Variants in GRIK5 observed in about 807,000 individuals in gnomAD.
GRIK5 encodes glutamate ionotropic receptor kainate type subunit 5.
In GRIK5, 43 loss-of-function variants were observed where a neutral mutation model predicts 97.4. The ratio of observed to expected loss-of-function variants is 0.44; its 90% CI spans 0.35 to 0.57. The LOEUF (loss-of-function observed/expected upper bound fraction) is 0.57, where lower values mean the gene tolerates loss of function less well. GRIK5 is among the 20% of genes least tolerant of loss of function. The probability of loss-of-function intolerance (pLI) is 0.01; values close to 1 mark genes in which losing one functional copy is unlikely to be tolerated. For missense variants in GRIK5, 1,015 were observed against 1,382.0 expected (o/e 0.73, Z 4.21); for synonymous variants, 580 against 583.5 (o/e 0.99, Z 0.09).
At chr19:42,064,654 G>A (rs1240527899) in intron 3 of GRIK5, among the ~76,000 whole-genome samples, 1 of 152,138 alleles carries the variant, frequency 6.6e-6, no homozygotes, top group African/African-American at 2.4e-5. Context: ...CTCTGATAAG[G>A]CCTGCAGGAA....
At chr19:42,009,751 G>A (rs1225470657) in intron 15 of GRIK5, among the ~76,000 whole-genome samples, 9 of 127,208 alleles carry the variant, frequency 7.1e-5, no homozygotes, top group Non-Finnish European at 9.8e-5. Context: ...CTGGGCAACA[G>A]AGTAAGACTT....
At chr19:42,054,282 G>A (rs752048566) in intron 9 of GRIK5, 38 bp downstream of exon 9, 22 of 1,583,150 alleles carry the variant, frequency 1.4e-5, no homozygotes, top group Middle Eastern at 1.7e-4. Context: ...TGAGGTGGCC[G>A]TGTCCTGCCT....
rs1242636402 is a variant in GRIK5, at chr19:41,999,114, G to A, written c.2700C>T (p.Gly900=). Residue 900 remains glycine, a synonymous_variant, in exon 20 of 20, where the codon GGC becomes GGT. Coordinates refer to ENST00000593562, the MANE Select transcript of GRIK5 (RefSeq NM_002088.5). This position sits in a 1 kb window ranked among gnomAD's most constrained non-coding sequence, Gnocchi z 5.0. ...GGCGCTGCGGGCCCCCGTGCGCGCTGCCCGCATCCCCGCCCGCGCCGGCCG... is the reference window on the plus strand; with the variant it reads ...GGCGCTGCGGGCCCCCGTGCGCGCTACCCGCATCCCCGCCCGCGCCGGCCG... ...LYSAGAGGDA[G]SAHGGPQRLL... 7.1e-6 allele frequency: 10 copies of A among 1,401,704 alleles called. No individual in the cohort carries two copies. Among genetic ancestry groups the A allele is most frequent in the Non-Finnish European group, 8.3e-6 (9 of 1,084,058 alleles). 86.8% of individuals were successfully genotyped at this position (1,401,704 alleles called of 1,614,324 possible).
In GRIK5 at chr19:41,999,041, T is replaced by C; in HGVS notation, c.2773A>G (p.Thr925Ala). ...CAGACGCGCACGTGGGTGCAGGGGG[T>C]GGGGGCGGCGGGTCGGGCTCCGCTG... ...PPSGARPAAPTPCTHVRVCQE... is the reference protein window; with the variant it reads ...PPSGARPAAPAPCTHVRVCQE... The change falls in exon 20 of 20, where the codon ACC becomes GCC. Residue 925 changes from threonine (T) to alanine (A), a missense_variant. Thr to Ala is a moderately conservative substitution (Grantham distance 58). Coordinates refer to ENST00000593562, the MANE Select transcript of GRIK5 (RefSeq NM_002088.5). This position sits in a 1 kb window ranked among gnomAD's most constrained non-coding sequence, Gnocchi z 5.0. 7 of 629,502 alleles carry C rather than the reference T, an allele frequency of 1.1e-5. No homozygotes were observed. The highest frequency in any genetic ancestry group is 1.4e-5 in the Non-Finnish European group (7 of 496,040). The allele number at this position is 629,502 out of a possible 1,614,324, so 39.0% of individuals were successfully genotyped here. A position where few individuals can be genotyped will look rare whatever the true frequency, so the allele number is the denominator to read the frequency against.
rs1051398573 is a variant in GRIK5 at position 42,021,334 on chromosome 19, C to T, written c.1838G>A (p.Arg613Gln). ...FMQQGSEIMPRALSTRCVSGV... is the reference protein window; with the variant it reads ...FMQQGSEIMPQALSTRCVSGV... ...GCTGACACAGCGCGTGGACAGCGCC[C>T]GGGGCATGATCTCCGAGCCCTGCTG... is the stretch of plus-strand genomic sequence containing the variant. Residue 613 changes from arginine (R) to glutamine (Q), a missense_variant, in exon 15 of 20, where the codon CGG becomes CAG. Physicochemically the swap from Arg to Gln is conservative, Grantham distance 43. Coordinates refer to ENST00000593562, the MANE Select transcript of GRIK5 (RefSeq NM_002088.5). This position sits in a 1 kb window ranked among gnomAD's most constrained non-coding sequence, Gnocchi z 4.2. 6.8e-6 allele frequency: 11 copies of T among 1,613,402 alleles called. No homozygotes were observed. The highest frequency in any genetic ancestry group is 1.1e-5 in the South Asian group (1 of 91,018).
intron 5 of GRIK5, among the ~76,000 whole-genome samples, 155 bp from the exon 6 acceptor site, chr19:42,059,682 G>C (rs1482661441): frequency 6.6e-6 from 1 of 152,042 alleles, no homozygotes; most frequent in Non-Finnish European, 1.5e-5. Flanking sequence ...TGGGCTTGGG[G>C]ACCCAAAGCC....
intron 15 of GRIK5, among the ~76,000 whole-genome samples, chr19:42,017,771 C>A (rs2075642538): frequency 6.6e-6 from 1 of 152,134 alleles, no homozygotes; most frequent in Non-Finnish European, 1.5e-5. Flanking sequence ...GGAAGGCAGG[C>A]AAAGCCAAGC....
At chr19:42,047,933 A>G (rs944720399) in intron 11 of GRIK5, among the ~76,000 whole-genome samples, 1 of 149,172 alleles carries the variant, frequency 6.7e-6, no homozygotes, top group Non-Finnish European at 1.5e-5. Flanking sequence ...ATCGCATGCT[A>G]CTACATTCCA....
intron 3 of GRIK5, chr19:42,063,190 T>C (rs1178792750): frequency 2.1e-5 from 10 of 477,902 alleles, no homozygotes; most frequent in Non-Finnish European, 3.3e-5. Flanking sequence ...TCTCAACCTT[T>C]TCAGCCATGC....
At chr19:42,014,255 G>A (rs970099801) in intron 15 of GRIK5, among the ~76,000 whole-genome samples, 13 of 152,028 alleles carry the variant, frequency 8.6e-5, no homozygotes, top group East Asian at 1.9e-4. Context: ...TTAGCCAGGC[G>A]TGCTGGCGTG....
At chr19:42,023,878 G>A (rs1170112928) in intron 12 of GRIK5, among the ~76,000 whole-genome samples, 2 of 152,270 alleles carry the variant, frequency 1.3e-5, no homozygotes, top group Non-Finnish European at 2.9e-5. Flanking sequence ...TAAGCCAAGA[G>A]GACAGTCTCC....
At chr19:42,001,991 G>A (rs1290560664) in intron 19 of GRIK5, 1 of 613,660 alleles carries the variant, frequency 1.6e-6, no homozygotes, top group African/African-American at 1.8e-5. Flanking sequence ...CCCAACGAGG[G>A]AGCCTGGGAA....
At chr19:42,045,734 G>A (rs1429817604) in intron 11 of GRIK5, among the ~76,000 whole-genome samples, 1 of 152,148 alleles carries the variant, frequency 6.6e-6, no homozygotes, top group Non-Finnish European at 1.5e-5. Flanking sequence ...ACTAATAATA[G>A]CGGCAGCAGC....
chr19:42,008,712 T>G (rs1024178410), intron 15 of GRIK5, among the ~76,000 whole-genome samples: 1 of 151,978 alleles, frequency 6.6e-6, no homozygotes, highest in Non-Finnish European at 1.5e-5. Flanking sequence ...AGACCCAGAA[T>G]TGACATAGAT....
At position 42,006,548 on chromosome 19, in the gene GRIK5, G is replaced by A; in HGVS notation, c.2037+97C>T. On this transcript the variant is annotated intron_variant, in intron 16 of 19. Coordinates refer to ENST00000593562, the MANE Select transcript of GRIK5 (RefSeq NM_002088.5). This position sits in a 1 kb window ranked among gnomAD's most constrained non-coding sequence, Gnocchi z 5.3. ...GCCTCCAGGCTGTCACTGACAATCA[G>A]TCCCTCTGACCCAGGAGACCCTGCC... The A allele has an allele frequency of 2.9e-6, 3 of 1,037,594 alleles. No individual in the cohort carries two copies. In the East Asian group the frequency reaches 7.5e-5, roughly 26 times the overall value. 64.3% of individuals were successfully genotyped at this position (1,037,594 alleles called of 1,614,324 possible).
chr19:42,017,891 T>C (rs1464517778), intron 15 of GRIK5, among the ~76,000 whole-genome samples: 1 of 152,050 alleles, frequency 6.6e-6, no homozygotes, highest in Non-Finnish European at 1.5e-5. Flanking sequence ...AGGAGCCACC[T>C]GGAGATGGAC....
chr19:42,021,053 G>A lies in GRIK5; in HGVS notation c.1871+248C>T, dbSNP rs2075689397. On this transcript the variant is annotated intron_variant, in intron 15 of 19. Coordinates refer to ENST00000593562, the MANE Select transcript of GRIK5 (RefSeq NM_002088.5). This position sits in a 1 kb window ranked among gnomAD's most constrained non-coding sequence, Gnocchi z 4.2. ...TGAATCCTCACAACCCTGAGACATGGGCATCTTTCTCCCCATCTTTCAGGG... is the reference window on the plus strand; with the variant it reads ...TGAATCCTCACAACCCTGAGACATGAGCATCTTTCTCCCCATCTTTCAGGG... Among the ~76,000 whole-genome samples the A allele has an allele frequency of 6.6e-6, 1 of 152,100 alleles. No homozygotes were observed. The highest frequency in any genetic ancestry group is 1.5e-5 in the Non-Finnish European group (1 of 68,020).
At chr19:42,055,993 T>TC (rs2076179025) in intron 8 of GRIK5, among the ~76,000 whole-genome samples, 2 of 151,546 alleles carry the variant, frequency 1.3e-5, no homozygotes, top group African/African-American at 4.9e-5. Context: ...AATTTACTTT[T>TC]TTTTTTTTTT....
At chr19:42,032,540 G>A (rs2075852147) in intron 12 of GRIK5, among the ~76,000 whole-genome samples, 1 of 152,176 alleles carries the variant, frequency 6.6e-6, no homozygotes, top group African/African-American at 2.4e-5. Context: ...CACTGGCTAT[G>A]CTAGCAAAGC....
Sources: gnomAD v4.1 joint callset for allele counts (sites outside exome capture counted in the v4.1 genomes callset) on GRCh38, gnomAD v4.1.1 for gene constraint, Gnocchi (gnomAD v3.1) non-coding constraint, MANE v1.5 for transcripts, NCBI Gene and HGNC (gene_info 2026-07-23, HGNC 2026-07-21) for gene names.